The following ANKRD22 variants were observed in gnomAD, a reference collection of about 807,000 sequenced individuals.
ANKRD22 encodes the protein ankyrin repeat domain 22.
In ANKRD22, 24 loss-of-function variants were observed where a neutral mutation model predicts 25.7. The observed-to-expected ratio is 0.93, with a 90% CI of 0.68 to 1.31. The LOEUF is 1.31. ANKRD22 is among the 50% of genes most tolerant of loss of function. The pLI is 0.00. For synonymous variants in ANKRD22, 84 were observed against 84.3 expected, an observed-to-expected ratio of 1.00 and a Z score of 0.02; for missense variants, 214 against 227.1, an observed-to-expected ratio of 0.94 and a Z score of 0.37.
chr10:88,827,274 ATTTG>A (rs756980538), intron 3 of ANKRD22, among the ~76,000 whole-genome samples: 1 of 152,142 alleles, frequency 6.6e-6, no homozygotes, highest in Admixed American at 6.5e-5. Flanking sequence ...CATGTCACTT[ATTTG>A]TTAATTCATC....
At chr10:88,849,950 A>G (rs1434953454) in intron 1 of ANKRD22, among the ~76,000 whole-genome samples, 1 of 151,858 alleles carries the variant, frequency 6.6e-6, no homozygotes, top group Non-Finnish European at 1.5e-5. Context: ...CTAAGGAAAA[A>G]TGATAACCCT....
rs867289061 is a variant in ANKRD22, at chr10:88,823,847, T to A, written c.400-469A>T. On this transcript the variant is annotated intron_variant, in intron 4 of 5. Coordinates refer to ENST00000371930, the MANE Select transcript of ANKRD22 (RefSeq NM_144590.3). ...CGTCTCAAAAAAAAAAAAAAAAAAA[T>A]TTCTTCTCTGTCTCAATGTATATGT... Among the ~76,000 whole-genome samples the A allele has an allele frequency of 5.5e-3, 510 of 92,948 alleles. 3 individuals carry two copies. The highest frequency in any genetic ancestry group is 0.019 in the African/African-American group (471 of 25,308). 61.0% of individuals were successfully genotyped at this position (92,948 alleles called of 152,430 possible).
chr10:88,837,147 C>A (rs1017962413), intron 1 of ANKRD22, among the ~76,000 whole-genome samples: 1 of 152,176 alleles, frequency 6.6e-6, no homozygotes, highest in Non-Finnish European at 1.5e-5. Context: ...GCTCTGGAAA[C>A]AAACTCTCTG....
At chr10:88,834,821 TAATCCCAGCTA>T (rs1305749259) in intron 1 of ANKRD22, among the ~76,000 whole-genome samples, 1 of 152,006 alleles carries the variant, frequency 6.6e-6, no homozygotes, top group Non-Finnish European at 1.5e-5. Flanking sequence ...CTGGTGCCTA[TAATCCCAGCTA>T]CTCTGGAGGC....
At position 88,820,281 on chromosome 10, in the gene ANKRD22, T is replaced by C. The variant is rs922467413; in HGVS notation, c.*2660A>G. 1.2e-5 allele frequency: 18 copies of C among 1,551,892 alleles called. No individual in the cohort carries two copies. The highest frequency in any genetic ancestry group is 1.6e-5 in the Non-Finnish European group (18 of 1,147,080). On this transcript the variant is annotated 3_prime_UTR_variant, in exon 6 of 6. Transcript: ENST00000371930. ...AGAGATATGACGGTCCCTACAGCAA[T>C]GTGGACAGGAGGTCAGGACTGGCTT...
At position 88,822,874 on chromosome 10, in the gene ANKRD22, A is replaced by C; in HGVS notation, c.*67T>G. On this transcript the variant is annotated 3_prime_UTR_variant, in exon 6 of 6. Coordinates refer to ENST00000371930, the MANE Select transcript of ANKRD22 (RefSeq NM_144590.3). ...CAGGTTAAATGGCCCACAGACCAAA[A>C]GTCTAAAATGAAGATAGAATCCAGT... is the stretch of plus-strand genomic sequence containing the variant. 1 of 1,445,206 alleles carries C rather than the reference A, an allele frequency of 6.9e-7. No homozygotes were observed. The allele number at this position is 1,445,206 out of a possible 1,614,324, so 89.5% of individuals were successfully genotyped here. A position where few individuals can be genotyped will look rare whatever the true frequency, so the allele number is the denominator to read the frequency against.
At chr10:88,847,583 C>T (rs1412410745) in intron 1 of ANKRD22, among the ~76,000 whole-genome samples, 1 of 152,060 alleles carries the variant, frequency 6.6e-6, no homozygotes, top group Non-Finnish European at 1.5e-5. Flanking sequence ...TTCTATCAGA[C>T]ATTTTATACC....
chr10:88,838,134 A>G (rs984604142), intron 1 of ANKRD22, among the ~76,000 whole-genome samples: 4 of 152,214 alleles, frequency 2.6e-5, no homozygotes, highest in African/African-American at 9.6e-5. Context: ...CATCGTAATT[A>G]AAACTGTCTA....
intron 1 of ANKRD22, among the ~76,000 whole-genome samples, chr10:88,836,470 G>A (rs1316215009): frequency 6.6e-6 from 1 of 152,174 alleles, no homozygotes; most frequent in East Asian, 1.9e-4. Flanking sequence ...TACCTGTTTT[G>A]CACAGATGAA....
intron 1 of ANKRD22, among the ~76,000 whole-genome samples, chr10:88,849,236 C>T (rs938849156): frequency 2.4e-4 from 37 of 152,116 alleles, no homozygotes; most frequent in South Asian, 6.2e-4. Flanking sequence ...TTCTTCTTTC[C>T]GATTTTTGTG....
chr10:88,823,051 T>C (rs377396380), intron 5 of ANKRD22, 33 bp from the exon 6 acceptor site: 4 of 1,591,862 alleles, frequency 2.5e-6, no homozygotes, highest in East Asian at 2.2e-5. Context: ...TTATTTCCAA[T>C]AGAGTGCCCA....
At chr10:88,832,858 T>G (rs1283755247) in intron 1 of ANKRD22, among the ~76,000 whole-genome samples, 1 of 152,208 alleles carries the variant, frequency 6.6e-6, no homozygotes, top group African/African-American at 2.4e-5. Context: ...CTTCAAAGTT[T>G]GGTTGAACCA....
In ANKRD22 at chr10:88,822,544, C is replaced by CTGTTTTTTTTTTTTTTTTTTTTTT. The variant is rs1554832256; in HGVS notation, c.*396_*397insAAAAAAAAAAAAAAAAAAAAAACA. On this transcript the variant is annotated 3_prime_UTR_variant, in exon 6 of 6. Coordinates refer to ENST00000371930, the MANE Select transcript of ANKRD22 (RefSeq NM_144590.3). ...AAAGACTGAGTTTGGAACACCAGGG[C>CTGTTTTTTTTTTTTTTTTTTTTTT]TTTTTTTTTTTTTTTTTTTTTTGAG... 5.5e-5 allele frequency: 2 copies of CTGTTTTTTTTTTTTTTTTTTTTTT among 36,438 alleles called. No individual in the cohort carries two copies. The highest frequency in any genetic ancestry group is 8.0e-5 in the African/African-American group (1 of 12,514). The allele number at this position is 36,438 out of a possible 1,614,324, so 2.3% of individuals were successfully genotyped here.
Position 88,822,544 on chromosome 10 carries a change from C to CTTTTTTTTTTGTTTTTTTTTT in ANKRD22, c.*396_*397insAAAAAAAAAACAAAAAAAAAA, listed in dbSNP as rs1843808879. 1 of 36,438 alleles carries CTTTTTTTTTTGTTTTTTTTTT rather than the reference C, an allele frequency of 2.7e-5. No individual in the cohort carries two copies. The highest frequency in any genetic ancestry group is 5.9e-5 in the Non-Finnish European group (1 of 17,014). 2.3% of individuals were successfully genotyped at this position (36,438 alleles called of 1,614,324 possible). A position where few individuals can be genotyped will look rare whatever the true frequency, so the allele number is the denominator to read the frequency against. ...AAAGACTGAGTTTGGAACACCAGGG[C>CTTTTTTTTTTGTTTTTTTTTT]TTTTTTTTTTTTTTTTTTTTTTGAG... On this transcript the variant is annotated 3_prime_UTR_variant, in exon 6 of 6. Coordinates refer to ENST00000371930, the MANE Select transcript of ANKRD22 (RefSeq NM_144590.3).
intron 1 of ANKRD22, among the ~76,000 whole-genome samples, chr10:88,844,178 T>A (rs1589328625): frequency 6.6e-6 from 1 of 152,196 alleles, no homozygotes; most frequent in Admixed American, 6.5e-5. Context: ...AATCCAACTG[T>A]CAAGCCCTTT....
intron 1 of ANKRD22, among the ~76,000 whole-genome samples, chr10:88,850,635 T>C (rs1203609988): frequency 1.3e-5 from 2 of 152,100 alleles, no homozygotes; most frequent in African/African-American, 4.8e-5. Context: ...AGTTTGAGAG[T>C]TACCAGAGTA....
Position 88,851,812 on chromosome 10 carries a change from G to T in ANKRD22, c.-205C>A. 3.4e-6 allele frequency: 2 copies of T among 583,844 alleles called. No individual in the cohort carries two copies. The highest frequency in any genetic ancestry group is 6.2e-6 in the Non-Finnish European group (2 of 324,590). The allele number at this position is 583,844 out of a possible 1,614,324, so 36.2% of individuals were successfully genotyped here. ...AGCAGCACACCTTCCAGAGAGCCCA[G>T]CCCAATGAAACAAAGGCACTGGTGT... is the stretch of plus-strand genomic sequence containing the variant. On this transcript the variant is annotated 5_prime_UTR_variant, in exon 1 of 6. The change creates a new upstream start codon in the 5' untranslated region. Coordinates refer to ENST00000371930, the MANE Select transcript of ANKRD22 (RefSeq NM_144590.3).
At position 88,823,028 on chromosome 10, in the gene ANKRD22, G is replaced by GCCC. The variant is rs745872906; in HGVS notation, c.499-11_499-10insGGG. The GCCC allele has an allele frequency of 2.4e-5, 38 of 1,610,126 alleles. No individual in the cohort carries two copies. Among genetic ancestry groups the GCCC allele is most frequent in the Non-Finnish European group, 3.1e-5 (37 of 1,176,716 alleles). On this transcript the variant is annotated splice_polypyrimidine_tract_variant and intron_variant, in intron 5 of 5. Coordinates refer to ENST00000371930, the MANE Select transcript of ANKRD22 (RefSeq NM_144590.3). ...GTGAGCTCTCACCATGCTGAGGGGG[G>GCCC]AAAAATATACAGTTATTTCCAATAG... is the stretch of plus-strand genomic sequence containing the variant.
chr10:88,840,845 A>G (rs1843997116), intron 1 of ANKRD22, among the ~76,000 whole-genome samples: 1 of 152,134 alleles, frequency 6.6e-6, no homozygotes, highest in Non-Finnish European at 1.5e-5. Flanking sequence ...CACATACTGT[A>G]TTTTATAAAT....
Sources: gnomAD v4.1 joint callset for allele counts (sites outside exome capture counted in the v4.1 genomes callset) on GRCh38, gnomAD v4.1.1 for gene constraint, MANE v1.5 for transcripts, NCBI Gene and HGNC (gene_info 2026-07-23, HGNC 2026-07-21) for gene names.